Variants in CLASP1 observed in about 807,000 individuals in gnomAD.
CLASP1 encodes cytoplasmic linker associated protein 1.
In CLASP1, 38 loss-of-function variants were observed where a neutral mutation model predicts 192.3. The observed-to-expected ratio is 0.20, with a 90% CI of 0.15 to 0.26. The LOEUF is 0.26. Ranked by LOEUF, CLASP1 falls within the 10% of genes least tolerant of loss-of-function variation. The pLI is 1.00. For missense variants in CLASP1, 1,433 were observed against 1,932.5 expected, an observed-to-expected ratio of 0.74 and a Z score of 4.85; for synonymous variants, 691 against 712.8, an observed-to-expected ratio of 0.97 and a Z score of 0.49.
intron 26 of CLASP1, chr2:121,403,772 G>A (rs1265175240): frequency 6.4e-6 from 3 of 469,218 alleles, no homozygotes; most frequent in Admixed American, 2.2e-5. Flanking sequence ...CCCCTCAGCT[G>A]GGACTCTCTC....
rs970582475 is a variant in CLASP1 at position 121,510,001 on chromosome 2, T to C, written c.644+5664A>G. Among the ~76,000 whole-genome samples, 3 of 151,398 alleles carry C rather than the reference T, an allele frequency of 2.0e-5. No homozygotes were observed. In the East Asian group the frequency reaches 5.8e-4, roughly 29 times the overall value. ...TCCTAAGTAACAAATAACTCAAAAA[T>C]GAAAACAAAAAGGAATTAGAAAATA... On this transcript the variant is annotated intron_variant, in intron 7 of 39. Transcript: ENST00000263710.
intron 36 of CLASP1, 134 bp from the exon 38 acceptor site, chr2:121,363,434 C>T (rs963590996): frequency 4.2e-5 from 40 of 962,772 alleles, no homozygotes; most frequent in Non-Finnish European, 5.9e-5. Flanking sequence ...CTAAACAGAT[C>T]ACACAGTTCA....
intron 7 of CLASP1, 81 bp from the exon 8 acceptor site, chr2:121,503,315 A>T (rs1301183500): frequency 1.2e-6 from 1 of 801,628 alleles, no homozygotes; most frequent in Non-Finnish European, 2.1e-6. Flanking sequence ...TGTGAAGTTG[A>T]TCCCCACTCC....
intron 2 of CLASP1, among the ~76,000 whole-genome samples, chr2:121,538,202 T>C (rs1263396136): frequency 6.6e-6 from 1 of 151,112 alleles, no homozygotes; most frequent in Non-Finnish European, 1.5e-5. Context: ...TCACCTGAGG[T>C]CAGCAGTTTG....
In CLASP1 at chr2:121,401,800, A is replaced by T; in HGVS notation, c.2736+68T>A. On this transcript the variant is annotated intron_variant, in intron 27 of 39. Transcript: ENST00000263710. ...TGTAACTTAGGTTAACACTGTTAAC[A>T]ACTGTTCATAGTACAGAAGGAAAAT... The T allele has an allele frequency of 8.6e-6, 7 of 815,326 alleles. 1 individual carries two copies. In the South Asian group the frequency reaches 9.5e-5, roughly 11 times the overall value. 50.5% of individuals were successfully genotyped at this position (815,326 alleles called of 1,614,324 possible).
At chr2:121,476,105 TA>T (rs1559355730) in intron 8 of CLASP1, among the ~76,000 whole-genome samples, 1 of 151,904 alleles carries the variant, frequency 6.6e-6, no homozygotes, top group Non-Finnish European at 1.5e-5. Context: ...AGTAAAACAG[TA>T]AAAATAAAGC....
At chr2:121,479,326 G>A (rs757324427) in intron 8 of CLASP1, among the ~76,000 whole-genome samples, 2 of 151,850 alleles carry the variant, frequency 1.3e-5, no homozygotes, top group African/African-American at 4.8e-5. Flanking sequence ...CAATAAACAA[G>A]TTCAGTGAGG....
In CLASP1 at chr2:121,460,246, T is replaced by C. The variant is rs761301401; in HGVS notation, c.1033-121A>G. 6.4e-5 allele frequency: 47 copies of C among 732,536 alleles called. 1 individual carries two copies. The highest frequency in any genetic ancestry group is 9.6e-5 in the Non-Finnish European group (45 of 470,804). The allele number at this position is 732,536 out of a possible 1,614,324, so 45.4% of individuals were successfully genotyped here. A position where few individuals can be genotyped will look rare whatever the true frequency, so the allele number is the denominator to read the frequency against. On this transcript the variant is annotated intron_variant, in intron 11 of 39. Transcript: ENST00000263710. ...TAAAGTTCAACTGATTAGAAAGCTT[T>C]CCCAAAAGAATTCAGCCAGTTAAAT...
chr2:121,468,103 GTGGGTTCTTTATTTC>G (rs1559322152), intron 9 of CLASP1, among the ~76,000 whole-genome samples: 1 of 152,092 alleles, frequency 6.6e-6, no homozygotes, highest in Non-Finnish European at 1.5e-5. Flanking sequence ...GGTTGTAGTC[GTGGGTTCTTTATTTC>G]TGGGTTCTCT....
At chr2:121,448,360 A>G (rs770633039) in intron 17 of CLASP1, 35 bp from the exon 18 acceptor site, 6 of 1,440,298 alleles carry the variant, frequency 4.2e-6, no homozygotes, top group Middle Eastern at 3.5e-4. Flanking sequence ...TATTACATGT[A>G]CTGTACCTGA....
chr2:121,436,874 T>C (rs764639800), intron 19 of CLASP1, among the ~76,000 whole-genome samples: 9 of 152,250 alleles, frequency 5.9e-5, no homozygotes, highest in Non-Finnish European at 1.3e-4. Flanking sequence ...AACTCTGTAC[T>C]ACAGTCTGGA....
intron 1 of CLASP1, among the ~76,000 whole-genome samples, chr2:121,619,913 C>T (rs2067049974): frequency 6.6e-6 from 1 of 152,022 alleles, no homozygotes; most frequent in South Asian, 2.1e-4. Flanking sequence ...AATCTCTTTA[C>T]TTTTATATCT....
At chr2:121,623,021 C>T (rs943518055) in intron 1 of CLASP1, among the ~76,000 whole-genome samples, 2 of 151,850 alleles carry the variant, frequency 1.3e-5, no homozygotes, top group South Asian at 2.1e-4. Flanking sequence ...CTCAGGAGTT[C>T]GAGACCAGCC....
intron 2 of CLASP1, among the ~76,000 whole-genome samples, chr2:121,571,840 T>G (rs978585756): frequency 6.6e-6 from 1 of 151,828 alleles, no homozygotes; most frequent in Non-Finnish European, 1.5e-5. Flanking sequence ...TATTAGAGGG[T>G]GTTGAGTATC....
intron 7 of CLASP1, chr2:121,505,071 G>A (rs981042088): frequency 3.3e-5 from 5 of 152,118 alleles, no homozygotes; most frequent in African/African-American, 1.2e-4. Context: ...TCATGACACC[G>A]GTTGCCAGGG....
chr2:121,358,634 T>C (rs1298713914), intron 37 of CLASP1, among the ~76,000 whole-genome samples: 1 of 152,240 alleles, frequency 6.6e-6, no homozygotes, highest in Non-Finnish European at 1.5e-5. Context: ...ACCAGACAAG[T>C]TCCCAGGAAG....
intron 8 of CLASP1, among the ~76,000 whole-genome samples, chr2:121,499,396 G>A (rs1035548714): frequency 1.3e-5 from 2 of 152,004 alleles, no homozygotes; most frequent in Non-Finnish European, 1.5e-5. Context: ...AAAATAGGAC[G>A]CCAGAAACTG....
intron 34 of CLASP1, among the ~76,000 whole-genome samples, chr2:121,368,751 A>T (rs1338222200): frequency 1.3e-5 from 2 of 152,192 alleles, no homozygotes; most frequent in Non-Finnish European, 2.9e-5. Flanking sequence ...CAAAATTTTT[A>T]CTTGTGCTGA....
chr2:121,455,165 C>A (rs2086356279), intron 14 of CLASP1, among the ~76,000 whole-genome samples: 1 of 152,206 alleles, frequency 6.6e-6, no homozygotes, highest in African/African-American at 2.4e-5. Flanking sequence ...TTGAGCCACA[C>A]AGTAAGGAAT....
Sources: gnomAD v4.1 joint callset for allele counts (sites outside exome capture counted in the v4.1 genomes callset) on GRCh38, gnomAD v4.1.1 for gene constraint, MANE v1.5 for transcripts, NCBI Gene and HGNC (gene_info 2026-07-23, HGNC 2026-07-21) for gene names.